EPM2A: variants seen among roughly 807,000 people sequenced by gnomAD.
EPM2A encodes the protein laforin.
In EPM2A, 21 loss-of-function variants were observed where a neutral mutation model predicts 26.5. The ratio of observed to expected loss-of-function variants is 0.79; its 90% CI spans 0.56 to 1.14. The LOEUF (loss-of-function observed/expected upper bound fraction) is 1.14, where lower values mean the gene tolerates loss of function less well. Among genes scored for constraint, EPM2A ranks in the 50% most tolerant of loss-of-function variants. EPM2A has a pLI of 0.00. For missense variants in EPM2A, 458 were observed against 440.8 expected (o/e 1.04, Z -0.35); for synonymous variants, 217 against 177.6 (o/e 1.22, Z -1.76).
intron 4 of EPM2A, among the ~76,000 whole-genome samples, chr6:145,447,043 G>A (rs898123217): frequency 6.6e-6 from 1 of 152,046 alleles, no homozygotes; most frequent in Non-Finnish European, 1.5e-5. Flanking sequence ...TAAGTACTCT[G>A]TATTTACTTT....
rs375621659 is a variant in EPM2A, at chr6:145,466,575, G to A, written c.555+35947C>T. ...GTAAACTAGTTCAACCCTTGTGGAAGTCAGTGTGGCGATTCCTCACGGATC... is the reference window on the plus strand; with the variant it reads ...GTAAACTAGTTCAACCCTTGTGGAAATCAGTGTGGCGATTCCTCACGGATC... On this transcript the variant is annotated intron_variant, in intron 4 of 4. Coordinates refer to the EPM2A transcript ENST00000638717. Among the ~76,000 whole-genome samples the A allele has an allele frequency of 4.2e-3, 646 of 152,068 alleles. 21 individuals carry two copies. In the East Asian group the frequency reaches 0.079, roughly 18 times the overall value.
intron 2 of EPM2A, among the ~76,000 whole-genome samples, chr6:145,684,323 C>A (rs751302962): frequency 6.6e-6 from 1 of 152,090 alleles, no homozygotes; most frequent in Non-Finnish European, 1.5e-5. Flanking sequence ...AAGAAATAAT[C>A]ATTCAGTGGA....
At chr6:145,608,865 T>C (rs1775327364) in intron 2 of EPM2A, among the ~76,000 whole-genome samples, 1 of 152,200 alleles carries the variant, frequency 6.6e-6, no homozygotes, top group South Asian at 2.1e-4. Flanking sequence ...AACCCAAATA[T>C]TGAACTGACT....
At chr6:145,519,900 A>C (rs1303024060) in intron 2 of EPM2A, among the ~76,000 whole-genome samples, 2 of 152,198 alleles carry the variant, frequency 1.3e-5, no homozygotes, top group African/African-American at 4.8e-5. Flanking sequence ...TCACTAATTT[A>C]GTAAATTGCA....
At chr6:145,595,844 T>A (rs995619849) in intron 2 of EPM2A, among the ~76,000 whole-genome samples, 10 of 152,170 alleles carry the variant, frequency 6.6e-5, no homozygotes, top group African/African-American at 1.9e-4. Flanking sequence ...CTTTAATGTC[T>A]TGGCTAGCAT....
intron 2 of EPM2A, among the ~76,000 whole-genome samples, chr6:145,673,743 G>A (rs998638848): frequency 1.3e-5 from 2 of 152,148 alleles, no homozygotes; most frequent in Non-Finnish European, 1.5e-5. Flanking sequence ...GTCTGCTATT[G>A]CTGAGGCTTC....
chr6:145,406,430 A>T (rs1052802439), intron 4 of EPM2A, among the ~76,000 whole-genome samples: 1 of 152,216 alleles, frequency 6.6e-6, no homozygotes, highest in East Asian at 1.9e-4. Flanking sequence ...TGCATCATCC[A>T]TTGTAATTTA....
chr6:145,466,653 A>ATT (rs1779398267), intron 4 of EPM2A, among the ~76,000 whole-genome samples: 1 of 152,302 alleles, frequency 6.6e-6, no homozygotes, highest in East Asian at 1.9e-4. Flanking sequence ...GTATATACCC[A>ATT]AAGGACTATA....
intron 4 of EPM2A, among the ~76,000 whole-genome samples, chr6:145,427,870 A>C (rs1425696078): frequency 6.6e-6 from 1 of 152,100 alleles, no homozygotes; most frequent in Non-Finnish European, 1.5e-5. Flanking sequence ...TTTATTCTCA[A>C]CTTTAAATCA....
intron 2 of EPM2A, among the ~76,000 whole-genome samples, chr6:145,651,291 C>A (rs1426325371): frequency 6.6e-6 from 1 of 152,194 alleles, no homozygotes; most frequent in Non-Finnish European, 1.5e-5. Context: ...AATTCTACAT[C>A]AGCTTTTTAA....
intron 2 of EPM2A, among the ~76,000 whole-genome samples, chr6:145,503,222 T>C (rs2114753578): frequency 6.6e-6 from 1 of 152,246 alleles, no homozygotes; most frequent in Non-Finnish European, 1.5e-5. Context: ...AATTTTTTAT[T>C]GTGTTGGAAG....
intron 2 of EPM2A, among the ~76,000 whole-genome samples, chr6:145,584,074 CA>C (rs1781153257): frequency 6.6e-6 from 1 of 152,188 alleles, no homozygotes; most frequent in South Asian, 2.1e-4. Context: ...GCTATCTGCA[CA>C]CATGTCCTAT....
intron 2 of EPM2A, among the ~76,000 whole-genome samples, chr6:145,677,638 A>G (rs552309679): frequency 6.6e-6 from 1 of 152,364 alleles, no homozygotes; most frequent in East Asian, 1.9e-4. Context: ...TACACGAATA[A>G]TAGACAAACA....
At chr6:145,669,169 G>A (rs1446294958) in intron 2 of EPM2A, among the ~76,000 whole-genome samples, 1 of 150,822 alleles carries the variant, frequency 6.6e-6, no homozygotes, top group East Asian at 2.2e-4. Flanking sequence ...CTTAGAAAAA[G>A]GAAGACAGGA....
rs200812319 is a variant in EPM2A at position 145,676,611 on chromosome 6, C to CAA, written c.476+9509_476+9510dup. ...ATAAAGAAGATATCACCACCGATCC[C>CAA]AAAAAAATACAAACTACCATCAGAG... On this transcript the variant is annotated intron_variant, in intron 2 of 3. Transcript: ENST00000367519. 6.6e-5 allele frequency among the ~76,000 whole-genome samples: 10 copies of CAA among 152,092 alleles called. No homozygotes were observed. The East Asian group carries it at 1.9e-3, about 29-fold the overall frequency.
At chr6:145,470,350 A>G in intron 4 of EPM2A, among the ~76,000 whole-genome samples, 1 of 152,280 alleles carries the variant, frequency 6.6e-6, no homozygotes, top group Non-Finnish European at 1.5e-5. Context: ...CTTTAAAAGA[A>G]TATCTATGTT....
chr6:145,652,031 T>C (rs1777920036), intron 2 of EPM2A, among the ~76,000 whole-genome samples: 1 of 152,208 alleles, frequency 6.6e-6, no homozygotes, highest in Non-Finnish European at 1.5e-5. Flanking sequence ...TTCAATTTTC[T>C]GACTAGGAGC....
At chr6:145,521,865 G>T (rs1015454483) in intron 2 of EPM2A, among the ~76,000 whole-genome samples, 1 of 152,166 alleles carries the variant, frequency 6.6e-6, no homozygotes, top group Non-Finnish European at 1.5e-5. Context: ...AATGAGGTTT[G>T]TCAAAGAACT....
chr6:145,523,418 C>T (rs1218903982), intron 2 of EPM2A, among the ~76,000 whole-genome samples: 1 of 152,194 alleles, frequency 6.6e-6, no homozygotes, highest in East Asian at 1.9e-4. Context: ...TTTCCAACAG[C>T]ATGTGCTCAC....
Sources: gnomAD v4.1 joint callset for allele counts (sites outside exome capture counted in the v4.1 genomes callset) on GRCh38, gnomAD v4.1.1 for gene constraint, MANE v1.5 for transcripts, NCBI Gene and HGNC (gene_info 2026-07-23, HGNC 2026-07-21) for gene names.